The following DNAH11 variants were observed in gnomAD, a reference collection of about 807,000 sequenced individuals.
The protein encoded by DNAH11 is axonemal beta dynein heavy chain 11.
Under a neutral mutation model 526.0 loss-of-function variants are expected in DNAH11, and 442 were observed. That is an observed-to-expected ratio of 0.84 (90% CI 0.78 to 0.91). DNAH11 has a LOEUF of 0.91. Ranked by LOEUF, DNAH11 falls within the 40% of genes least tolerant of loss-of-function variation. DNAH11 has a pLI of 0.00. For synonymous variants in DNAH11, 2,461 were observed against 1,935.9 expected (o/e 1.27, Z -7.12); for missense variants, 6,989 against 5,448.7 (o/e 1.28, Z -8.90).
At chr7:21,640,374 G>C (rs1301561353) in intron 28 of DNAH11, among the ~76,000 whole-genome samples, 1 of 152,096 alleles carries the variant, frequency 6.6e-6, no homozygotes, top group Non-Finnish European at 1.5e-5. Flanking sequence ...ACTGTATGAG[G>C]GTAGCAGGTA....
chr7:21,852,580 G>C lies in DNAH11; in HGVS notation c.11010G>C (p.Leu3670=). The change falls in exon 67 of 82, where the codon CTG becomes CTC. Residue 3670 remains leucine, a synonymous_variant. Transcript: ENST00000409508. The part of the protein sequence containing the change: ...AEGSFLDDTK[L]VERLEATKTT... The stretch of plus-strand genomic sequence containing the variant: ...GAAGCTTTCTGGATGACACCAAACT[G>C]GTAGAGAGATTGGAGGCAACAAAGA... 3 of 1,608,210 alleles carry C rather than the reference G, an allele frequency of 1.9e-6. No homozygotes were observed. The highest frequency in any genetic ancestry group is 2.5e-6 in the Non-Finnish European group (3 of 1,178,306).
At chr7:21,731,494 T>C (rs1453316827) in intron 45 of DNAH11, among the ~76,000 whole-genome samples, 1 of 152,212 alleles carries the variant, frequency 6.6e-6, no homozygotes, top group African/African-American at 2.4e-5. Context: ...GATACACCAA[T>C]ATCAGCATAT....
At chr7:21,695,209 C>A (rs1386433429) in intron 35 of DNAH11, among the ~76,000 whole-genome samples, 1 of 152,172 alleles carries the variant, frequency 6.6e-6, no homozygotes, top group Non-Finnish European at 1.5e-5. Context: ...CATCAAGCTA[C>A]CATTGACTTT....
intron 6 of DNAH11, among the ~76,000 whole-genome samples, chr7:21,565,694 C>CTA (rs1278321927): frequency 6.6e-6 from 1 of 152,226 alleles, no homozygotes; most frequent in Non-Finnish European, 1.5e-5. Context: ...GTTCCCACAT[C>CTA]TATCAGTGGG....
At chr7:21,628,915 C>T (rs897275583) in intron 25 of DNAH11, among the ~76,000 whole-genome samples, 9 of 152,002 alleles carry the variant, frequency 5.9e-5, no homozygotes, top group Non-Finnish European at 1.0e-4. Flanking sequence ...TTTCAGCTCT[C>T]ATCCTTGTTA....
Position 21,601,576 on chromosome 7 carries a change from C to T in DNAH11, c.3606C>T (p.Ser1202=). 6.2e-7 allele frequency: 1 copy of T among 1,605,272 alleles called. No individual in the cohort carries two copies. The highest frequency in any genetic ancestry group is 8.5e-7 in the Non-Finnish European group (1 of 1,173,134). ...AAGAAACGATCACCCTCTTGGAAAG[C>T]TATGGCCAGAAGATGCCTGAGCAGG... is the stretch of plus-strand genomic sequence containing the variant. The part of the protein sequence containing the change: ...PLKETITLLE[S]YGQKMPEQVY... The change falls in exon 18 of 82, where the codon AGC becomes AGT. Residue 1202 remains serine, a synonymous_variant. Transcript: ENST00000409508.
intron 24 of DNAH11, among the ~76,000 whole-genome samples, chr7:21,619,503 T>G (rs370338848): frequency 9.0e-4 from 137 of 152,332 alleles, no homozygotes; most frequent in African/African-American, 3.1e-3. Flanking sequence ...TTATTTATAT[T>G]AACCCATTTA....
At chr7:21,623,764 A>G (rs918602101) in intron 25 of DNAH11, among the ~76,000 whole-genome samples, 6 of 146,632 alleles carry the variant, frequency 4.1e-5, no homozygotes, top group South Asian at 4.7e-4. Context: ...GAATGGAACA[A>G]TGAGAACACA....
At chr7:21,678,171 A>AT (rs1782979687) in intron 30 of DNAH11, among the ~76,000 whole-genome samples, 9 of 130,642 alleles carry the variant, frequency 6.9e-5, no homozygotes, top group African/African-American at 2.6e-4. Context: ...AGCTTTTCCC[A>AT]CTTTTTTTTT....
intron 28 of DNAH11, among the ~76,000 whole-genome samples, chr7:21,639,963 C>T (rs1187908538): frequency 4.6e-5 from 7 of 151,902 alleles, no homozygotes; most frequent in Non-Finnish European, 7.4e-5. Flanking sequence ...CTGAATTTTG[C>T]TGTTCTTTGG....
At chr7:21,750,933 T>G (rs953469383) in intron 54 of DNAH11, among the ~76,000 whole-genome samples, 1 of 152,182 alleles carries the variant, frequency 6.6e-6, no homozygotes, top group Non-Finnish European at 1.5e-5. Context: ...TTGGAAGAGA[T>G]AAGAGGTTTC....
rs1364645618 is a variant in DNAH11, at chr7:21,711,820, G to T, written c.6943G>T (p.Gly2315Cys). ...AACCCCGGCCACTGTTTCCAGAGCTGGTATTCTGTATGTGAACCCACAAGA... is the reference window on the plus strand; with the variant it reads ...AACCCCGGCCACTGTTTCCAGAGCTTGTATTCTGTATGTGAACCCACAAGA... ...SATPATVSRA[G>C]ILYVNPQDLG... The change falls in exon 42 of 82, where the codon GGT becomes TGT. Residue 2315 changes from glycine (G) to cysteine (C), a missense_variant. Coordinates refer to ENST00000409508, the MANE Select transcript of DNAH11 (RefSeq NM_001277115.2). 6.2e-7 allele frequency: 1 copy of T among 1,613,516 alleles called. No individual in the cohort carries two copies. Among genetic ancestry groups the T allele is most frequent in the African/African-American group, 1.3e-5 (1 of 74,876 alleles).
chr7:21,749,895 G>T, intron 53 of DNAH11, 94 bp downstream of exon 53: 1 of 1,563,986 alleles, frequency 6.4e-7, no homozygotes. Context: ...TCGTCTTTGA[G>T]ATGTTTGCTG....
intron 57 of DNAH11, 150 bp from the exon 58 acceptor site, chr7:21,784,277 G>T: frequency 1.6e-6 from 1 of 631,136 alleles, no homozygotes; most frequent in Non-Finnish European, 2.8e-6. Context: ...ATGTCTAAAG[G>T]AAAATTAGTC....
At chr7:21,855,029 A>ATT (rs61635369) in intron 68 of DNAH11, among the ~76,000 whole-genome samples, 9,157 of 114,450 alleles carry the variant, frequency 0.08, 1,100 homozygotes, top group African/African-American at 0.25. Context: ...CAGTCTCTTA[A>ATT]TTTTTTTTTT....
intron 8 of DNAH11, among the ~76,000 whole-genome samples, chr7:21,580,390 A>T (rs1397583123): frequency 1.3e-5 from 2 of 152,214 alleles, no homozygotes; most frequent in Non-Finnish European, 2.9e-5. Context: ...CTTCCTCTTG[A>T]TGCTAAATAT....
chr7:21,621,310 C>T (rs1404366306), intron 25 of DNAH11, among the ~76,000 whole-genome samples: 4 of 152,002 alleles, frequency 2.6e-5, no homozygotes, highest in African/African-American at 4.8e-5. Flanking sequence ...TAACAGGCTC[C>T]GAAATTGTGG....
At position 21,749,702 on chromosome 7, in the gene DNAH11, C is replaced by G; in HGVS notation, c.8698C>G (p.Arg2900Gly). 6.2e-7 allele frequency: 1 copy of G among 1,613,688 alleles called. No homozygotes were observed. Among genetic ancestry groups the G allele is most frequent in the Non-Finnish European group, 8.5e-7 (1 of 1,179,776 alleles). Residue 2900 changes from arginine (R) to glycine (G), a missense_variant, in exon 53 of 82, where the codon CGA (arginine) becomes GGA (glycine). Physicochemically the swap from Arg to Gly is moderately radical, Grantham distance 125. Transcript: ENST00000409508. ...GGTAGATCTTGCCAATTTGTACATCCGAACTGGAGCCAAGAACATGCCCAC... is the reference window on the plus strand; with the variant it reads ...GGTAGATCTTGCCAATTTGTACATCGGAACTGGAGCCAAGAACATGCCCAC... ...LRVDLANLYI[R>G]TGAKNMPTVF...
rs1378729722 is a variant in DNAH11, at chr7:21,615,185, G to A, written c.3924G>A (p.Val1308=). ...QMQESTRLFE[V]ALPEYKQMKQ... ...AAGAATCTACTCGTCTTTTTGAAGT[G>A]GCTCTTCCAGAGTACAAACAAATGA... Residue 1308 remains valine, a synonymous_variant, in exon 21 of 82, where the codon GTG becomes GTA. Transcript: ENST00000409508. 1 of 1,613,012 alleles carries A rather than the reference G, an allele frequency of 6.2e-7. No individual in the cohort carries two copies. Among genetic ancestry groups the A allele is most frequent in the Non-Finnish European group, 8.5e-7 (1 of 1,179,444 alleles).
Sources: allele counts gnomAD v4.1 joint callset (sites outside exome capture counted in the v4.1 genomes callset), GRCh38; gene constraint gnomAD v4.1.1; transcripts MANE v1.5; gene names NCBI Gene and HGNC (gene_info 2026-07-23, HGNC 2026-07-21).